Variants in CSMD1 observed in about 807,000 individuals in gnomAD.
The protein encoded by CSMD1 is CUB and sushi domain-containing protein 1.
In CSMD1, 213 loss-of-function variants were observed where a neutral mutation model predicts 417.5. The observed-to-expected ratio is 0.51, with a 90% CI of 0.46 to 0.57. The LOEUF (loss-of-function observed/expected upper bound fraction) is 0.57. CSMD1 is among the 20% of genes least tolerant of loss of function. The pLI is 0.00. For missense variants in CSMD1, 6,923 were observed against 4,529.7 expected, an observed-to-expected ratio of 1.53 and a Z score of -15.17; for synonymous variants, 2,862 against 1,736.8, an observed-to-expected ratio of 1.65 and a Z score of -16.11.
chr8:3,945,218 T>C (rs939026675), intron 5 of CSMD1, among the ~76,000 whole-genome samples: 5 of 150,538 alleles, frequency 3.3e-5, no homozygotes, highest in African/African-American at 1.2e-4. Context: ...CTATTTCTTC[T>C]GGAAAATTGT....
intron 30 of CSMD1, among the ~76,000 whole-genome samples, chr8:3,209,809 A>T (rs1797501074): frequency 6.6e-6 from 1 of 152,202 alleles, no homozygotes; most frequent in African/African-American, 2.4e-5. Context: ...AAAAGCATTC[A>T]TTGCTAATGG....
At chr8:4,438,838 G>A (rs946645171) in intron 2 of CSMD1, among the ~76,000 whole-genome samples, 8 of 152,158 alleles carry the variant, frequency 5.3e-5, no homozygotes, top group African/African-American at 1.9e-4. Flanking sequence ...AAAATTGAAA[G>A]GTGTATTATC....
At chr8:4,151,986 G>A (rs1468368193) in intron 3 of CSMD1, among the ~76,000 whole-genome samples, 1 of 152,030 alleles carries the variant, frequency 6.6e-6, no homozygotes, top group African/African-American at 2.4e-5. Context: ...CCTGCTTGTG[G>A]TTTGCTAGGG....
chr8:3,231,523 C>G (rs1049491217), intron 26 of CSMD1, among the ~76,000 whole-genome samples: 1 of 151,814 alleles, frequency 6.6e-6, no homozygotes, highest in Non-Finnish European at 1.5e-5. Context: ...ATACATATGT[C>G]TACATATGGA....
intron 3 of CSMD1, among the ~76,000 whole-genome samples, chr8:4,319,292 T>C (rs183722209): frequency 7.2e-5 from 11 of 152,292 alleles, no homozygotes; most frequent in African/African-American, 2.4e-4. Flanking sequence ...TTTCCTTGCT[T>C]TTAAACAGTT....
chr8:3,195,522 C>T (rs369074840), intron 33 of CSMD1, among the ~76,000 whole-genome samples: 2 of 152,140 alleles, frequency 1.3e-5, no homozygotes, highest in Admixed American at 6.6e-5. Context: ...GTGTGATGTT[C>T]GGCTTTTGCA....
At chr8:3,840,273 C>T (rs1803039487) in intron 5 of CSMD1, among the ~76,000 whole-genome samples, 1 of 152,030 alleles carries the variant, frequency 6.6e-6, no homozygotes, top group African/African-American at 2.4e-5. Context: ...AACAGATGTT[C>T]AAGAATGGCA....
At chr8:4,316,577 C>G (rs1417394197) in intron 3 of CSMD1, among the ~76,000 whole-genome samples, 1 of 152,004 alleles carries the variant, frequency 6.6e-6, no homozygotes, top group Admixed American at 6.6e-5. Context: ...CACTAATATT[C>G]CATCGAGTCC....
chr8:3,701,572 T>C (rs1305617677), intron 7 of CSMD1, among the ~76,000 whole-genome samples: 1 of 152,134 alleles, frequency 6.6e-6, no homozygotes, highest in Non-Finnish European at 1.5e-5. Flanking sequence ...CTAGTGTATT[T>C]TATTTGTTCA....
At chr8:2,962,821 G>T (rs554447907) in intron 60 of CSMD1, among the ~76,000 whole-genome samples, 182 bp from the exon 61 acceptor site, 2 of 152,350 alleles carry the variant, frequency 1.3e-5, no homozygotes, top group East Asian at 1.9e-4. Flanking sequence ...GGCAGAGGCA[G>T]GCGGATCGCT....
At chr8:3,646,942 C>A (rs1797605297) in intron 7 of CSMD1, among the ~76,000 whole-genome samples, 1 of 152,204 alleles carries the variant, frequency 6.6e-6, no homozygotes, top group South Asian at 2.1e-4. Context: ...AAAACCTCAA[C>A]AATGATGCAT....
chr8:3,026,592 G>C (rs1434865648), intron 51 of CSMD1, among the ~76,000 whole-genome samples: 1 of 151,882 alleles, frequency 6.6e-6, no homozygotes, highest in Non-Finnish European at 1.5e-5. Flanking sequence ...GGCTTGACTG[G>C]GCCTCACTGG....
At chr8:3,904,925 C>G (rs1233795226) in intron 5 of CSMD1, among the ~76,000 whole-genome samples, 3 of 152,142 alleles carry the variant, frequency 2.0e-5, no homozygotes, top group Non-Finnish European at 4.4e-5. Flanking sequence ...GTGTGAGCCA[C>G]TGCACCCAGC....
At chr8:4,302,865 G>A (rs1289493142) in intron 3 of CSMD1, among the ~76,000 whole-genome samples, 1 of 152,056 alleles carries the variant, frequency 6.6e-6, no homozygotes, top group East Asian at 1.9e-4. Context: ...GGCAGGACCA[G>A]CAGTTTAAAT....
chr8:3,817,748 C>G (rs1044534769), intron 5 of CSMD1, among the ~76,000 whole-genome samples: 1 of 152,108 alleles, frequency 6.6e-6, no homozygotes, highest in Non-Finnish European at 1.5e-5. Context: ...GAAATAACTT[C>G]CAGAAACAGA....
intron 25 of CSMD1, among the ~76,000 whole-genome samples, chr8:3,300,843 C>G (rs990844090): frequency 4.0e-5 from 6 of 151,022 alleles, no homozygotes; most frequent in African/African-American, 1.2e-4. Flanking sequence ...CATGTAATCC[C>G]AGCTACTCAG....
At chr8:3,452,653 C>A (rs1481221830) in intron 12 of CSMD1, among the ~76,000 whole-genome samples, 3 of 152,126 alleles carry the variant, frequency 2.0e-5, no homozygotes, top group Non-Finnish European at 4.4e-5. Context: ...AGCCTTGCAT[C>A]CCAGGGATGA....
intron 6 of CSMD1, among the ~76,000 whole-genome samples, chr8:3,709,831 T>C (rs539962254): frequency 1.3e-5 from 2 of 149,730 alleles, no homozygotes; most frequent in African/African-American, 2.5e-5. Context: ...CAGTTCCTTA[T>C]AGTAAATCTG....
chr8:4,095,864 A>AG (rs570891653), intron 3 of CSMD1, among the ~76,000 whole-genome samples: 155 of 152,338 alleles, frequency 1.0e-3, no homozygotes, highest in African/African-American at 3.3e-3. Context: ...AAGTGTTGAA[A>AG]GCTAAACTAT....
Sources: allele counts gnomAD v4.1 joint callset (sites outside exome capture counted in the v4.1 genomes callset), GRCh38; gene constraint gnomAD v4.1.1; transcripts MANE v1.5; gene names NCBI Gene and HGNC (gene_info 2026-07-23, HGNC 2026-07-21).